The following SCLT1 variants were observed in gnomAD, a reference collection of about 807,000 sequenced individuals.
SCLT1 encodes sodium channel and clathrin linker 1.
Under a neutral mutation model 112.8 loss-of-function variants are expected in SCLT1, and 78 were observed. That is an observed-to-expected ratio of 0.69 (90% CI 0.58 to 0.83). The LOEUF is 0.83. Among genes scored for constraint, SCLT1 ranks in the 40% least tolerant of loss-of-function variants. SCLT1 has a pLI of 0.00. For missense variants in SCLT1, 747 were observed against 770.4 expected (o/e 0.97, Z 0.36); for synonymous variants, 257 against 254.7 (o/e 1.01, Z -0.09).
chr4:129,093,126 G>T lies in SCLT1; in HGVS notation c.-23C>A. The T allele has an allele frequency of 6.2e-7, 1 of 1,611,070 alleles. No homozygotes were observed. Among genetic ancestry groups the T allele is most frequent in the Non-Finnish European group, 8.5e-7 (1 of 1,177,164 alleles). On this transcript the variant is annotated 5_prime_UTR_variant, in exon 1 of 21. Transcript: ENST00000281142. ...CATTTCGATACAATTTTAGTTTAGA[G>T]CTTTCACCACCTTTACCTTCCTCTG...
intron 9 of SCLT1, among the ~76,000 whole-genome samples, chr4:128,989,567 G>A (rs1283199268): frequency 6.6e-6 from 1 of 150,964 alleles, no homozygotes; most frequent in African/African-American, 2.4e-5. Context: ...TTAAAGAACT[G>A]GAAAAGCAAG....
intron 13 of SCLT1, among the ~76,000 whole-genome samples, chr4:128,955,832 C>A (rs1739172271): frequency 6.6e-6 from 1 of 151,988 alleles, no homozygotes. Context: ...TTAAAAAAAT[C>A]AACTTGGCAA....
At position 129,021,756 on chromosome 4, in the gene SCLT1, C is replaced by T. The variant is rs554654053; in HGVS notation, c.290+17285G>A. Among the ~76,000 whole-genome samples, 10 of 152,322 alleles carry T rather than the reference C, an allele frequency of 6.6e-5. No homozygotes were observed. In the East Asian group the frequency reaches 1.2e-3, roughly 18 times the overall value. On this transcript the variant is annotated intron_variant, in intron 5 of 20. Coordinates refer to ENST00000281142, the MANE Select transcript of SCLT1 (RefSeq NM_144643.4). ...AGCAGATTTAATCGTTCCTGCCTGCCGGTTGTGAAGAAAGCAGCTGATCCT... is the reference window on the plus strand; with the variant it reads ...AGCAGATTTAATCGTTCCTGCCTGCTGGTTGTGAAGAAAGCAGCTGATCCT...
At chr4:128,912,086 T>C (rs1481707275) in intron 18 of SCLT1, among the ~76,000 whole-genome samples, 2 of 152,196 alleles carry the variant, frequency 1.3e-5, no homozygotes, top group Non-Finnish European at 2.9e-5. Context: ...TTGATATGAA[T>C]GCTAGAATAT....
intron 2 of SCLT1, among the ~76,000 whole-genome samples, chr4:129,066,755 T>C (rs931199626): frequency 5.9e-5 from 9 of 152,074 alleles, no homozygotes; most frequent in Admixed American, 4.6e-4. Context: ...GAGCACATAA[T>C]AGCTTTTGCA....
In SCLT1 at chr4:129,093,300, G is replaced by A. The variant is rs1012384968; in HGVS notation, c.-197C>T. 4.9e-6 allele frequency: 3 copies of A among 607,240 alleles called. No individual in the cohort carries two copies. Among genetic ancestry groups the A allele is most frequent in the Non-Finnish European group, 8.8e-6 (3 of 339,574 alleles). The allele number at this position is 607,240 out of a possible 1,614,324, so 37.6% of individuals were successfully genotyped here. A position where few individuals can be genotyped will look rare whatever the true frequency, so the allele number is the denominator to read the frequency against. The stretch of plus-strand genomic sequence containing the variant: ...TCCCCCGCGCCCCAGACGAGTCCCT[G>A]GCCCTGGTGAGAGACTGAAGATTGC... On this transcript the variant is annotated 5_prime_UTR_variant, in exon 1 of 21. Transcript: ENST00000281142.
intron 20 of SCLT1, among the ~76,000 whole-genome samples, chr4:128,888,392 A>AC (rs1264203136): frequency 6.6e-6 from 1 of 151,832 alleles, no homozygotes; most frequent in African/African-American, 2.4e-5. Context: ...AATTTTTAAA[A>AC]TTTTTTGTAG....
chr4:128,959,437 T>C (rs1009499587), intron 12 of SCLT1, among the ~76,000 whole-genome samples, 163 bp downstream of exon 12: 4 of 152,180 alleles, frequency 2.6e-5, no homozygotes, highest in Admixed American at 2.6e-4. Flanking sequence ...CATATGATGA[T>C]ATCTGGTTTT....
intron 16 of SCLT1, among the ~76,000 whole-genome samples, 198 bp downstream of exon 16, chr4:128,945,809 G>C (rs901238460): frequency 3.9e-5 from 6 of 152,046 alleles, no homozygotes; most frequent in Non-Finnish European, 1.5e-5. Context: ...AAAATGGTAT[G>C]CTACTGTTAA....
chr4:129,076,262 A>G (rs1751454609), intron 2 of SCLT1, among the ~76,000 whole-genome samples: 1 of 152,154 alleles, frequency 6.6e-6, no homozygotes, highest in Non-Finnish European at 1.5e-5. Context: ...CTCAAAATTC[A>G]TTGAATGAGT....
intron 5 of SCLT1, among the ~76,000 whole-genome samples, chr4:129,034,148 C>T (rs886622079): frequency 1.2e-4 from 18 of 152,196 alleles, no homozygotes; most frequent in African/African-American, 4.1e-4. Flanking sequence ...ATAACATTTT[C>T]TGGGCTAGCA....
At position 128,884,556 on chromosome 4, in the gene SCLT1, C is replaced by A; in HGVS notation, c.2005-17G>T. On this transcript the variant is annotated splice_polypyrimidine_tract_variant and intron_variant, in intron 20 of 20. Transcript: ENST00000281142. Reference sequence around the variant, plus strand: ...CACACTGAGCTGCAATTAAAATAAACAATCGGTAAGTAGTTACTTTTTCTG... The same window carrying A: ...CACACTGAGCTGCAATTAAAATAAAAAATCGGTAAGTAGTTACTTTTTCTG... 6.4e-7 allele frequency: 1 copy of A among 1,556,066 alleles called. No individual in the cohort carries two copies. Among genetic ancestry groups the A allele is most frequent in the Non-Finnish European group, 8.9e-7 (1 of 1,129,338 alleles).
At chr4:129,005,649 A>G (rs1579668266) in intron 5 of SCLT1, among the ~76,000 whole-genome samples, 1 of 152,150 alleles carries the variant, frequency 6.6e-6, no homozygotes, top group Non-Finnish European at 1.5e-5. Context: ...CATTTGACCC[A>G]GCCATTGCAT....
intron 18 of SCLT1, among the ~76,000 whole-genome samples, chr4:128,904,098 T>C (rs7668762): frequency 0.73 from 110,473 of 151,942 alleles, 40,482 homozygotes; most frequent in African/African-American, 0.82. Context: ...TCTGGTATGA[T>C]ATTTTAAAGA....
Position 129,072,283 on chromosome 4 carries a change from T to C in SCLT1, c.102+10023A>G, listed in dbSNP as rs577457264. 2.6e-5 allele frequency among the ~76,000 whole-genome samples: 4 copies of C among 152,260 alleles called. No homozygotes were observed. In the South Asian group the frequency reaches 6.2e-4, roughly 24 times the overall value. On this transcript the variant is annotated intron_variant, in intron 2 of 20. Transcript: ENST00000281142. ...TTTGGATAACCTGATGACAATGTCC[T>C]AGGCAAAGATCTTTTTGCGATGAAT...
chr4:128,892,180 T>G (rs981698573), intron 18 of SCLT1, among the ~76,000 whole-genome samples: 2 of 152,204 alleles, frequency 1.3e-5, no homozygotes, highest in Non-Finnish European at 2.9e-5. Context: ...GTATAAGTAT[T>G]CTATTGCTTT....
At chr4:129,017,249 A>G (rs894409041) in intron 5 of SCLT1, among the ~76,000 whole-genome samples, 1 of 152,030 alleles carries the variant, frequency 6.6e-6, no homozygotes, top group Non-Finnish European at 1.5e-5. Flanking sequence ...GTGCATATCT[A>G]TGTTTGTGAG....
At chr4:128,967,427 T>G (rs1740304539) in intron 10 of SCLT1, among the ~76,000 whole-genome samples, 1 of 152,200 alleles carries the variant, frequency 6.6e-6, no homozygotes. Context: ...TTGAGAAATC[T>G]CCAAACCTCT....
chr4:129,033,239 G>A (rs1160233587), intron 5 of SCLT1, among the ~76,000 whole-genome samples: 4 of 150,844 alleles, frequency 2.7e-5, no homozygotes, highest in Non-Finnish European at 4.4e-5. Context: ...ACTAACACAG[G>A]AACAGAAAAC....
Sources: allele counts gnomAD v4.1 joint callset (sites outside exome capture counted in the v4.1 genomes callset), GRCh38; gene constraint gnomAD v4.1.1; transcripts MANE v1.5; gene names NCBI Gene and HGNC (gene_info 2026-07-23, HGNC 2026-07-21).